HSPA12B: variants seen among roughly 807,000 people sequenced by gnomAD.
HSPA12B encodes heat shock protein family A (Hsp70) member 12B, also known as heat shock 70 kDa protein 12B.
A neutral mutation model predicts 69.3 loss-of-function variants in HSPA12B; 54 were observed. The observed-to-expected ratio is 0.78, with a 90% CI of 0.63 to 0.98. HSPA12B has a LOEUF of 0.98. Ranked by LOEUF, HSPA12B falls within the 50% of genes least tolerant of loss-of-function variation. The probability of loss-of-function intolerance (pLI) is 0.00; values close to 1 mark genes in which losing one functional copy is unlikely to be tolerated. For synonymous variants in HSPA12B, 441 were observed against 436.5 expected (o/e 1.01, Z -0.13); for missense variants, 929 against 999.8 (o/e 0.93, Z 0.96).
rs2088440083 is a variant in HSPA12B, at chr20:3,752,182, G to C, written c.*16G>C. The C allele has an allele frequency of 1.4e-6, 2 of 1,454,746 alleles. No homozygotes were observed. Among genetic ancestry groups the C allele is most frequent in the Non-Finnish European group, 9.0e-7 (1 of 1,111,736 alleles). 90.1% of individuals were successfully genotyped at this position (1,454,746 alleles called of 1,614,324 possible). A position where few individuals can be genotyped will look rare whatever the true frequency, so the allele number is the denominator to read the frequency against. On this transcript the variant is annotated 3_prime_UTR_variant, in exon 13 of 13. Transcript: ENST00000254963. ...TTCCAACTGAGGGCGCGCCGGCGCG[G>C]TGCCAGCGCCGTCTGCCCGGCCCCG...
intron 11 of HSPA12B, 105 bp downstream of exon 11, chr20:3,750,332 TC>T: frequency 2.5e-6 from 3 of 1,210,732 alleles, no homozygotes; most frequent in Non-Finnish European, 2.2e-6. Context: ...GCCTGATTCA[TC>T]CCACATATAC....
At position 3,744,346 on chromosome 20, in the gene HSPA12B, C is replaced by T. The variant is rs1425959874; in HGVS notation, c.267-556C>T. ...CCCAGATGTCTTGCTGATCAACACA[C>T]ATGGCTGAGGCCATGCTGGGGCTAA... On this transcript the variant is annotated intron_variant, in intron 4 of 12. Coordinates refer to ENST00000254963, the MANE Select transcript of HSPA12B (RefSeq NM_052970.5). The surrounding 1 kb of genome is among the most constrained non-coding windows in gnomAD (Gnocchi z 4.9). Among the ~76,000 whole-genome samples, 3 of 152,244 alleles carry T rather than the reference C, an allele frequency of 2.0e-5. No homozygotes were observed. Among genetic ancestry groups the T allele is most frequent in the Non-Finnish European group, 4.4e-5 (3 of 68,040 alleles).
rs1362357746 is a variant in HSPA12B at position 3,744,128 on chromosome 20, G to C, written c.267-774G>C. Among the ~76,000 whole-genome samples, 1 of 152,190 alleles carries C rather than the reference G, an allele frequency of 6.6e-6. No homozygotes were observed. The highest frequency in any genetic ancestry group is 2.4e-5 in the African/African-American group (1 of 41,434). On this transcript the variant is annotated intron_variant, in intron 4 of 12. Coordinates refer to ENST00000254963, the MANE Select transcript of HSPA12B (RefSeq NM_052970.5). This position sits in a 1 kb window ranked among gnomAD's most constrained non-coding sequence, Gnocchi z 4.9. The stretch of plus-strand genomic sequence containing the variant: ...ACCTCAAAGCTCTCAACCCAGACTG[G>C]GATGGGAGGTAAGAGGGGCTTCCCA...
rs1013344468 is a variant in HSPA12B at position 3,751,848 on chromosome 20, G to C, written c.1743G>C (p.Glu581Asp). 1.9e-6 allele frequency: 3 copies of C among 1,543,258 alleles called. No individual in the cohort carries two copies. The highest frequency in any genetic ancestry group is 2.6e-6 in the Non-Finnish European group (3 of 1,150,582). The stretch of plus-strand genomic sequence containing the variant: ...TCTTCGAGCGCTTCGTGGCCGCCGA[G>C]CAGTCGGTGGCCCTGGGCGAGGAGG... ...TDVFERFVAA[E>D]QSVALGEEVR... The change falls in exon 13 of 13, where the codon GAG becomes GAC. Residue 581 changes from glutamate (E) to aspartate (D), a missense_variant. Glu to Asp is a conservative substitution (Grantham distance 45). Around this residue, in one of 3 missense-constraint regions of HSPA12B, gnomAD observed 448 missense variants for 448.1 expected, o/e 1.00. Coordinates refer to ENST00000254963, the MANE Select transcript of HSPA12B (RefSeq NM_052970.5).
rs2088419764 is a variant in HSPA12B at position 3,751,519 on chromosome 20, C to A, written c.1414C>A (p.Leu472Met). The A allele has an allele frequency of 7.0e-7, 1 of 1,437,412 alleles. No individual in the cohort carries two copies. Among genetic ancestry groups the A allele is most frequent in the Non-Finnish European group, 9.1e-7 (1 of 1,096,320 alleles). 89.0% of individuals were successfully genotyped at this position (1,437,412 alleles called of 1,614,324 possible). ...CCCGTCCTGTCCCGCAGAGGCCCTG[C>A]TGGCACGGCCGGAGGTGCAGGGTGT... ...SGIIQHIEAL[L>M]ARPEVQGVKL... Residue 472 changes from leucine to methionine, a missense_variant, in exon 13 of 13, where the codon CTG becomes ATG. Leu to Met is a conservative substitution (Grantham distance 15, BLOSUM62 2). Around this residue, in one of 3 missense-constraint regions of HSPA12B, gnomAD observed 448 missense variants for 448.1 expected, o/e 1.00. Transcript: ENST00000254963.
Position 3,744,025 on chromosome 20 carries a change from A to C in HSPA12B, c.267-877A>C, listed in dbSNP as rs1389610585. Among the ~76,000 whole-genome samples the C allele has an allele frequency of 6.6e-6, 1 of 152,200 alleles. No individual in the cohort carries two copies. The highest frequency in any genetic ancestry group is 1.5e-5 in the Non-Finnish European group (1 of 68,044). On this transcript the variant is annotated intron_variant, in intron 4 of 12. Transcript: ENST00000254963. This position sits in a 1 kb window ranked among gnomAD's most constrained non-coding sequence, Gnocchi z 4.9. ...ATGTTGGGTTTTATGTGGGACCTCAAGGACCTTGGGACCTCAAGACCCCAG... is the reference window on the plus strand; with the variant it reads ...ATGTTGGGTTTTATGTGGGACCTCACGGACCTTGGGACCTCAAGACCCCAG...
chr20:3,745,849 CGCAGAGG>C lies in HSPA12B; in HGVS notation c.559-63_559-57del. 1 of 1,373,744 alleles carries C rather than the reference CGCAGAGG, an allele frequency of 7.3e-7. No homozygotes were observed. The highest frequency in any genetic ancestry group is 1.0e-6 in the Non-Finnish European group (1 of 961,046). 85.1% of individuals were successfully genotyped at this position (1,373,744 alleles called of 1,614,324 possible). On this transcript the variant is annotated intron_variant, in intron 6 of 12. Coordinates refer to ENST00000254963, the MANE Select transcript of HSPA12B (RefSeq NM_052970.5). The surrounding 1 kb of genome is among the most constrained non-coding windows in gnomAD (Gnocchi z 5.6). Reference sequence around the variant, plus strand: ...GTGATTTGATTAGTACCTCCAGTTCCGCAGAGGGCTGAAGACCACCCTCCCTCCAAGC... The same window carrying C: ...GTGATTTGATTAGTACCTCCAGTTCCGCTGAAGACCACCCTCCCTCCAAGC...
chr20:3,741,233 G>C (rs2088196799), intron 3 of HSPA12B, among the ~76,000 whole-genome samples: 1 of 151,858 alleles, frequency 6.6e-6, no homozygotes. Flanking sequence ...GCTTTTCTAG[G>C]TCCCCAGAGC....
At position 3,745,184 on chromosome 20, in the gene HSPA12B, C is replaced by G. The variant is rs937607584; in HGVS notation, c.453+96C>G. The G allele has an allele frequency of 2.6e-6, 3 of 1,147,868 alleles. No individual in the cohort carries two copies. Among genetic ancestry groups the G allele is most frequent in the Non-Finnish European group, 3.8e-6 (3 of 797,486 alleles). The allele number at this position is 1,147,868 out of a possible 1,614,324, so 71.1% of individuals were successfully genotyped here. A position where few individuals can be genotyped will look rare whatever the true frequency, so the allele number is the denominator to read the frequency against. On this transcript the variant is annotated intron_variant, in intron 5 of 12. Transcript: ENST00000254963. This position sits in a 1 kb window ranked among gnomAD's most constrained non-coding sequence, Gnocchi z 5.6. ...GGACAAAACCAAAACGTGTGAGGAC[C>G]GGCCCGATGGAGTCGTGGCTGAGAG... is the stretch of plus-strand genomic sequence containing the variant.
intron 8 of HSPA12B, 115 bp downstream of exon 8, chr20:3,748,506 AT>A: frequency 9.9e-7 from 1 of 1,010,272 alleles, no homozygotes; most frequent in Non-Finnish European, 1.3e-6. Flanking sequence ...GAGGAGCCCA[AT>A]TTGAGCAGGC....
chr20:3,739,966 G>GT, intron 2 of HSPA12B, among the ~76,000 whole-genome samples: 1 of 152,352 alleles, frequency 6.6e-6, no homozygotes, highest in East Asian at 1.9e-4. Context: ...CAGTGTGGTG[G>GT]TGGCAGCTAC....
chr20:3,739,395 C>T (rs535286660), intron 2 of HSPA12B, among the ~76,000 whole-genome samples: 45 of 152,314 alleles, frequency 3.0e-4, no homozygotes, highest in Non-Finnish European at 5.3e-4. Flanking sequence ...TGTGCATGTG[C>T]GTCTGGCCAT....
Position 3,737,587 on chromosome 20 carries a change from TC to T in HSPA12B, c.-17-1070del, listed in dbSNP as rs1334621253. The stretch of plus-strand genomic sequence containing the variant: ...TTACAGGGATCTAGCTTTACCCATC[TC>T]TTGGTACAATCTTCATGAGACCATG... On this transcript the variant is annotated intron_variant, in intron 1 of 12. Transcript: ENST00000254963. This position sits in a 1 kb window ranked among gnomAD's most constrained non-coding sequence, Gnocchi z 4.1. Among the ~76,000 whole-genome samples the T allele has an allele frequency of 6.6e-6, 1 of 152,206 alleles. No individual in the cohort carries two copies. The highest frequency in any genetic ancestry group is 1.5e-5 in the Non-Finnish European group (1 of 68,048).
intron 1 of HSPA12B, among the ~76,000 whole-genome samples, chr20:3,738,258 A>G (rs1349266590): frequency 6.6e-6 from 1 of 152,152 alleles, no homozygotes; most frequent in East Asian, 1.9e-4. Flanking sequence ...TATCTCCTCC[A>G]TCAGACCGTT....
Position 3,744,783 on chromosome 20 carries a change from G to C in HSPA12B, c.267-119G>C, listed in dbSNP as rs1189366839. The C allele has an allele frequency of 2.3e-6, 2 of 884,318 alleles. No individual in the cohort carries two copies. The highest frequency in any genetic ancestry group is 4.6e-5 in the Admixed American group (2 of 43,384). 54.8% of individuals were successfully genotyped at this position (884,318 alleles called of 1,614,324 possible). ...GTTTTCTCCTGCTGCCTATGGAGCC[G>C]ACCCATAGCTAGTTCTCCCTGCTCT... On this transcript the variant is annotated intron_variant, in intron 4 of 12. Transcript: ENST00000254963. The surrounding 1 kb of genome is among the most constrained non-coding windows in gnomAD (Gnocchi z 4.9).
intron 3 of HSPA12B, among the ~76,000 whole-genome samples, chr20:3,741,768 G>A (rs2088206713): frequency 6.6e-6 from 1 of 152,214 alleles, no homozygotes; most frequent in African/African-American, 2.4e-5. Context: ...GGGGAGTCCA[G>A]CCCTGGCATA....
chr20:3,743,642 C>T (rs1250436280), intron 4 of HSPA12B, among the ~76,000 whole-genome samples: 1 of 152,218 alleles, frequency 6.6e-6, no homozygotes, highest in East Asian at 1.9e-4. Context: ...ACATACGAAG[C>T]TACCACTTTC....
At chr20:3,748,415 C>G in intron 8 of HSPA12B, 24 bp downstream of exon 8, 1 of 1,553,810 alleles carries the variant, frequency 6.4e-7, no homozygotes, top group African/African-American at 1.4e-5. Flanking sequence ...GGGGACACCA[C>G]CCACCCCTGG....
intron 11 of HSPA12B, chr20:3,750,537 G>A (rs1469649943): frequency 2.5e-6 from 1 of 406,972 alleles, no homozygotes; most frequent in Non-Finnish European, 3.3e-6. Flanking sequence ...CATGCTCCTC[G>A]GTTTCCCTGC....
Sources: allele counts gnomAD v4.1 joint callset (sites outside exome capture counted in the v4.1 genomes callset), GRCh38; gene constraint gnomAD v4.1.1; regional missense constraint gnomAD v4.1.1; non-coding constraint Gnocchi (gnomAD v3.1); transcripts MANE v1.5; gene names NCBI Gene and HGNC (gene_info 2026-07-23, HGNC 2026-07-21).